ABAT: variants seen among roughly 807,000 people sequenced by gnomAD.
ABAT encodes the protein 4-aminobutyrate aminotransferase, mitochondrial.
Under a neutral mutation model 64.6 loss-of-function variants are expected in ABAT, and 45 were observed. The observed-to-expected ratio is 0.70, with a 90% CI of 0.55 to 0.89. The LOEUF (loss-of-function observed/expected upper bound fraction) is 0.89. ABAT is among the 40% of genes least tolerant of loss of function. The pLI is 0.00. For missense variants in ABAT, 633 were observed against 658.4 expected (o/e 0.96, Z 0.42); for synonymous variants, 297 against 250.5 (o/e 1.19, Z -1.75).
At chr16:8,682,657 A>G (rs1472320090) in intron 1 of ABAT, among the ~76,000 whole-genome samples, 1 of 152,176 alleles carries the variant, frequency 6.6e-6, no homozygotes, top group Non-Finnish European at 1.5e-5. Flanking sequence ...CTTCACTGCC[A>G]GCATCTCCCA....
chr16:8,676,859 C>G (rs1294376709), intron 1 of ABAT, among the ~76,000 whole-genome samples: 1 of 152,210 alleles, frequency 6.6e-6, no homozygotes, highest in Admixed American at 6.5e-5. Flanking sequence ...TGTTCAGAGG[C>G]CTGCGTCTTT....
At chr16:8,727,741 A>G (rs573768753) in intron 1 of ABAT, among the ~76,000 whole-genome samples, 2 of 152,326 alleles carry the variant, frequency 1.3e-5, no homozygotes, top group South Asian at 4.1e-4. Flanking sequence ...CTTCAGAAAG[A>G]AAGCAATTTA....
chr16:8,721,027 A>C (rs1596417386), intron 1 of ABAT: 1 of 152,160 alleles, frequency 6.6e-6, no homozygotes, highest in Non-Finnish European at 1.5e-5. Context: ...GGGGCTGGGG[A>C]AACAGTAAGG....
At chr16:8,679,303 G>T (rs2057276326) in intron 1 of ABAT, among the ~76,000 whole-genome samples, 1 of 152,126 alleles carries the variant, frequency 6.6e-6, no homozygotes, top group Non-Finnish European at 1.5e-5. Context: ...TAGTTACGGG[G>T]CCAAGAGACA....
At chr16:8,745,863 G>T (rs2059312940) in intron 2 of ABAT, 138 bp from the exon 3 acceptor site, 2 of 783,680 alleles carry the variant, frequency 2.6e-6, no homozygotes, top group East Asian at 5.3e-5. Context: ...TCCAGACACA[G>T]TGTTCTGGGG....
intron 11 of ABAT, 106 bp from the exon 12 acceptor site, chr16:8,772,674 C>G: frequency 3.4e-6 from 5 of 1,478,748 alleles, no homozygotes; most frequent in Non-Finnish European, 4.7e-6. Context: ...CACACAAACA[C>G]ATTTCCAATA....
At chr16:8,777,458 G>A (rs2060300232) in intron 14 of ABAT, among the ~76,000 whole-genome samples, 1 of 152,198 alleles carries the variant, frequency 6.6e-6, no homozygotes, top group African/African-American at 2.4e-5. Flanking sequence ...AAAAAGAAGG[G>A]AAGGACAGAG....
At chr16:8,757,863 A>C (rs1213219497) in intron 6 of ABAT, 57 bp downstream of exon 6, 2 of 1,550,036 alleles carry the variant, frequency 1.3e-6, no homozygotes, top group East Asian at 4.5e-5. Context: ...CATTCACAGA[A>C]TCACTGGGCA....
chr16:8,677,988 A>T (rs1015866956), intron 1 of ABAT, among the ~76,000 whole-genome samples: 2 of 151,822 alleles, frequency 1.3e-5, no homozygotes, highest in Non-Finnish European at 2.9e-5. Flanking sequence ...GAGCCCGGGG[A>T]GGTCGAAGCT....
At chr16:8,722,942 G>T in intron 1 of ABAT, 10 of 1,117,372 alleles carry the variant, frequency 8.9e-6, no homozygotes, top group Non-Finnish European at 1.1e-5. Context: ...ACGGGCCTTA[G>T]AAACAATGTG....
intron 1 of ABAT, among the ~76,000 whole-genome samples, chr16:8,731,821 C>T (rs1041526749): frequency 6.6e-6 from 1 of 151,834 alleles, no homozygotes; most frequent in Non-Finnish European, 1.5e-5. Context: ...CTTCCCCCAG[C>T]CCTCGGCAAC....
chr16:8,725,026 C>G (rs554744745), intron 1 of ABAT, among the ~76,000 whole-genome samples: 1 of 152,006 alleles, frequency 6.6e-6, no homozygotes, highest in Admixed American at 6.6e-5. Context: ...AAGCGATTCT[C>G]CCGCCTCAGC....
At chr16:8,778,194 G>A (rs867594304) in intron 14 of ABAT, among the ~76,000 whole-genome samples, 29 of 152,126 alleles carry the variant, frequency 1.9e-4, no homozygotes, top group African/African-American at 6.5e-4. Context: ...ACCTGCATTT[G>A]TTTCCTTGTC....
Position 8,707,353 on chromosome 16 carries a change from A to ATTTTTTT in ABAT, c.-41-28335_-41-28329dup, listed in dbSNP as rs386384172. ...AGGCACACACTACCATGCCAGGGTA[A>ATTTTTTT]TTTTTTTTTTTTTTTTTAGCGGAGA... On this transcript the variant is annotated intron_variant, in intron 1 of 15. Coordinates refer to ENST00000268251, the MANE Select transcript of ABAT (RefSeq NM_020686.6). Among the ~76,000 whole-genome samples, 10 of 123,944 alleles carry ATTTTTTT rather than the reference A, an allele frequency of 8.1e-5. 1 individual carries two copies. The highest frequency in any genetic ancestry group is 1.7e-4 in the Admixed American group (2 of 11,748). 81.3% of individuals were successfully genotyped at this position (123,944 alleles called of 152,430 possible). A position where few individuals can be genotyped will look rare whatever the true frequency, so the allele number is the denominator to read the frequency against.
chr16:8,769,576 AAAAG>A (rs2060044590), intron 11 of ABAT, among the ~76,000 whole-genome samples: 2 of 140,282 alleles, frequency 1.4e-5, no homozygotes, highest in African/African-American at 5.4e-5. Flanking sequence ...AAAAAAAAAA[AAAAG>A]AGAGAGAGAG....
chr16:8,780,886 A>G, intron 15 of ABAT: 1 of 436,124 alleles, frequency 2.3e-6, no homozygotes, highest in Non-Finnish European at 4.3e-6. Flanking sequence ...AGCACCTCAC[A>G]CATGCTTCCG....
intron 5 of ABAT, among the ~76,000 whole-genome samples, chr16:8,752,948 C>A (rs1322396333): frequency 6.6e-6 from 1 of 152,178 alleles, no homozygotes; most frequent in Admixed American, 6.5e-5. Context: ...GCTACAGCCA[C>A]CTTGGAGTAG....
intron 1 of ABAT, among the ~76,000 whole-genome samples, chr16:8,711,577 G>T (rs2142083843): frequency 6.6e-6 from 1 of 152,358 alleles, no homozygotes; most frequent in South Asian, 2.1e-4. Context: ...TATTGCACTT[G>T]ATATGCAGGA....
At chr16:8,718,007 G>A (rs2058261299) in intron 1 of ABAT, among the ~76,000 whole-genome samples, 2 of 152,272 alleles carry the variant, frequency 1.3e-5, no homozygotes, top group South Asian at 4.2e-4. Context: ...AAACAGAACA[G>A]CACTAGCTTT....
Sources: allele counts gnomAD v4.1 joint callset (sites outside exome capture counted in the v4.1 genomes callset), GRCh38; gene constraint gnomAD v4.1.1; transcripts MANE v1.5; gene names NCBI Gene and HGNC (gene_info 2026-07-23, HGNC 2026-07-21).